Variants in ADAMTS6 observed in about 807,000 individuals in gnomAD.
ADAMTS6 encodes the protein ADAM metallopeptidase with thrombospondin type 1 motif 6.
A neutral mutation model predicts 144.3 loss-of-function variants in ADAMTS6; 23 were observed. That is an observed-to-expected ratio of 0.16 (90% CI 0.11 to 0.23). ADAMTS6 has a LOEUF of 0.23. ADAMTS6 is among the 10% of genes least tolerant of loss of function. The pLI, the probability that ADAMTS6 is intolerant of heterozygous loss-of-function variation, is 1.00. For synonymous variants in ADAMTS6, 444 were observed against 457.5 expected, an observed-to-expected ratio of 0.97 and a Z score of 0.38; for missense variants, 999 against 1,379.6, an observed-to-expected ratio of 0.72 and a Z score of 4.37.
intron 7 of ADAMTS6, among the ~76,000 whole-genome samples, chr5:65,363,705 G>T (rs1223630089): frequency 1.3e-5 from 2 of 152,102 alleles, no homozygotes; most frequent in African/African-American, 4.8e-5. Context: ...ATTGCTTAGT[G>T]GACTTCTAGG....
chr5:65,158,252 T>A (rs1752543901), intron 24 of ADAMTS6, among the ~76,000 whole-genome samples: 2 of 152,194 alleles, frequency 1.3e-5, no homozygotes, highest in African/African-American at 4.8e-5. Context: ...AAAACCCAAA[T>A]GCAGTAGCTA....
intron 10 of ADAMTS6, among the ~76,000 whole-genome samples, chr5:65,294,698 T>C (rs1400020746): frequency 6.6e-6 from 1 of 152,206 alleles, no homozygotes; most frequent in South Asian, 2.1e-4. Flanking sequence ...ATTACCATTA[T>C]GAAATATTAC....
intron 11 of ADAMTS6, among the ~76,000 whole-genome samples, chr5:65,289,094 A>G (rs552539821): frequency 6.6e-6 from 1 of 152,350 alleles, no homozygotes; most frequent in South Asian, 2.1e-4. Context: ...TAGGGAAACC[A>G]TTATTTTGCT....
chr5:65,180,833 T>C (rs1226290784), intron 22 of ADAMTS6, among the ~76,000 whole-genome samples: 3 of 152,186 alleles, frequency 2.0e-5, no homozygotes, highest in Non-Finnish European at 4.4e-5. Flanking sequence ...ATGTCAGCCA[T>C]ATAAAATAAT....
chr5:65,435,892 C>T (rs956335927), intron 7 of ADAMTS6, among the ~76,000 whole-genome samples: 1 of 152,018 alleles, frequency 6.6e-6, no homozygotes, highest in African/African-American at 2.4e-5. Context: ...TTCCAAAGTG[C>T]TGGGATTACA....
chr5:65,451,375 C>G, intron 7 of ADAMTS6, 100 bp downstream of exon 7: 1 of 1,362,608 alleles, frequency 7.3e-7, no homozygotes, highest in African/African-American at 1.5e-5. Flanking sequence ...TTTGCTTTCT[C>G]TATACTCATT....
At chr5:65,191,523 CTT>C (rs962673598) in intron 21 of ADAMTS6, among the ~76,000 whole-genome samples, 1 of 152,020 alleles carries the variant, frequency 6.6e-6, no homozygotes, top group Non-Finnish European at 1.5e-5. Context: ...ATCATCAACT[CTT>C]TTTACAAACA....
At chr5:65,156,336 AC>A (rs1752417222) in intron 24 of ADAMTS6, among the ~76,000 whole-genome samples, 1 of 152,100 alleles carries the variant, frequency 6.6e-6, no homozygotes, top group South Asian at 2.1e-4. Context: ...AACAAAACAA[AC>A]AAAAAACCAA....
intron 9 of ADAMTS6, among the ~76,000 whole-genome samples, chr5:65,321,045 T>C (rs1270196876): frequency 1.3e-5 from 2 of 152,234 alleles, no homozygotes; most frequent in Non-Finnish European, 1.5e-5. Flanking sequence ...GAGTGATTTA[T>C]ATTCCTTTGG....
At chr5:65,317,345 G>A (rs74707669) in intron 9 of ADAMTS6, among the ~76,000 whole-genome samples, 1 of 152,276 alleles carries the variant, frequency 6.6e-6, no homozygotes, top group Non-Finnish European at 1.5e-5. Flanking sequence ...AACAAGGGCA[G>A]ATATACTTTT....
chr5:65,227,944 C>T (rs1416490846), intron 15 of ADAMTS6, among the ~76,000 whole-genome samples: 1 of 152,094 alleles, frequency 6.6e-6, no homozygotes, highest in Non-Finnish European at 1.5e-5. Context: ...TGTTTTCTTC[C>T]ATTTTCAATG....
chr5:65,461,349 CTTT>C (rs1017726226), intron 3 of ADAMTS6, among the ~76,000 whole-genome samples: 41 of 152,238 alleles, frequency 2.7e-4, no homozygotes, highest in African/African-American at 9.9e-4. Flanking sequence ...AGATAATTTG[CTTT>C]TTAAGGCAAA....
chr5:65,250,173 G>T (rs1335101128), intron 14 of ADAMTS6, among the ~76,000 whole-genome samples: 1 of 152,150 alleles, frequency 6.6e-6, no homozygotes, highest in African/African-American at 2.4e-5. Context: ...TAGGTACTAG[G>T]AATAGCACTA....
At chr5:65,280,221 T>G (rs1279639434) in intron 11 of ADAMTS6, among the ~76,000 whole-genome samples, 1 of 152,234 alleles carries the variant, frequency 6.6e-6, no homozygotes, top group Non-Finnish European at 1.5e-5. Context: ...CCTTAATCTC[T>G]GTGGTTTGTA....
At chr5:65,177,146 G>C (rs1024913154) in intron 22 of ADAMTS6, among the ~76,000 whole-genome samples, 3 of 152,142 alleles carry the variant, frequency 2.0e-5, no homozygotes, top group African/African-American at 7.2e-5. Flanking sequence ...TAACCACTGA[G>C]ACTGCCGTTC....
chr5:65,452,376 T>A lies in ADAMTS6; in HGVS notation c.844-160A>T, dbSNP rs189295203. 3.9e-5 allele frequency among the ~76,000 whole-genome samples: 6 copies of A among 152,122 alleles called. No individual in the cohort carries two copies. The East Asian group carries it at 9.6e-4, about 24-fold the overall frequency. ...ACCTTCAAGGTGCCTTGGTAAAAGG[T>A]TTTTATACAAGTCTACCTCAATAAA... On this transcript the variant is annotated intron_variant, in intron 5 of 24. Transcript: ENST00000381055.
At chr5:65,172,580 A>G (rs973420344) in intron 23 of ADAMTS6, among the ~76,000 whole-genome samples, 3 of 152,144 alleles carry the variant, frequency 2.0e-5, no homozygotes, top group African/African-American at 7.2e-5. Flanking sequence ...TTTAATTTTA[A>G]CCACAATGGA....
intron 23 of ADAMTS6, 64 bp downstream of exon 23, chr5:65,172,768 A>G: frequency 1.3e-6 from 2 of 1,554,544 alleles, no homozygotes; most frequent in Non-Finnish European, 1.7e-6. Context: ...TGATCACACA[A>G]GGAACCTCAG....
At chr5:65,222,348 T>C (rs1757384202) in intron 18 of ADAMTS6, among the ~76,000 whole-genome samples, 1 of 152,174 alleles carries the variant, frequency 6.6e-6, no homozygotes, top group Non-Finnish European at 1.5e-5. Context: ...GTCAGGGTAA[T>C]TCAATGGAAG....
Sources: gnomAD v4.1 joint callset for allele counts (sites outside exome capture counted in the v4.1 genomes callset) on GRCh38, gnomAD v4.1.1 for gene constraint, MANE v1.5 for transcripts, NCBI Gene and HGNC (gene_info 2026-07-23, HGNC 2026-07-21) for gene names.